The following PMM2 variants were observed in gnomAD, a reference collection of about 807,000 sequenced individuals.
PMM2 encodes mannose-6-phosphate isomerase.
Under a neutral mutation model 33.2 loss-of-function variants are expected in PMM2, and 35 were observed. The ratio of observed to expected loss-of-function variants is 1.06; its 90% CI spans 0.81 to 1.40. The LOEUF is 1.40. PMM2 is among the 40% of genes most tolerant of loss of function. The pLI, the probability that PMM2 is intolerant of heterozygous loss-of-function variation, is 0.00. For synonymous variants in PMM2, 153 were observed against 114.7 expected (o/e 1.33, Z -2.13); for missense variants, 386 against 306.0 (o/e 1.26, Z -1.95).
At chr16:8,840,436 G>T (rs1254590325) in intron 7 of PMM2, among the ~76,000 whole-genome samples, 1 of 151,952 alleles carries the variant, frequency 6.6e-6, no homozygotes, top group South Asian at 2.1e-4. Context: ...AAGTAGTTGA[G>T]AATGGAGAAT....
chr16:8,845,139 G>A (rs1449927211), intron 7 of PMM2, among the ~76,000 whole-genome samples: 2 of 152,240 alleles, frequency 1.3e-5, no homozygotes, highest in African/African-American at 4.8e-5. Context: ...TCGGCAAAGG[G>A]TGGTGGATTA....
At chr16:8,799,946 A>G (rs940103493) in intron 1 of PMM2, among the ~76,000 whole-genome samples, 5 of 152,256 alleles carry the variant, frequency 3.3e-5, no homozygotes, top group East Asian at 1.9e-4. Flanking sequence ...CTTCTGTACA[A>G]TTTTAATCAC....
intron 4 of PMM2, chr16:8,809,494 C>G (rs1781108950): frequency 6.6e-6 from 1 of 152,040 alleles, no homozygotes; most frequent in Non-Finnish European, 1.5e-5. Context: ...AGTCTGTCTC[C>G]CAGACTGGAG....
At chr16:8,840,307 C>CT (rs1472439340) in intron 7 of PMM2, among the ~76,000 whole-genome samples, 2 of 151,988 alleles carry the variant, frequency 1.3e-5, no homozygotes, top group African/African-American at 2.4e-5. Context: ...CAAAGATCAT[C>CT]TATCCACTCT....
intron 7 of PMM2, among the ~76,000 whole-genome samples, chr16:8,837,957 A>G (rs1321850390): frequency 6.6e-6 from 1 of 152,066 alleles, no homozygotes; most frequent in Admixed American, 6.6e-5. Context: ...AAATTAAGGG[A>G]GAGATTGAAG....
chr16:8,814,532 G>A (rs60854635), intron 7 of PMM2, among the ~76,000 whole-genome samples: 1,692 of 152,258 alleles, frequency 0.011, 29 homozygotes, highest in African/African-American at 0.039. Flanking sequence ...GGGTCCCCAC[G>A]TCACAGTCTT....
chr16:8,821,129 G>A (rs533221448), intron 7 of PMM2, among the ~76,000 whole-genome samples: 3 of 152,314 alleles, frequency 2.0e-5, no homozygotes, highest in South Asian at 4.1e-4. Flanking sequence ...TTGAGACCCA[G>A]GTCTTCTTGT....
At chr16:8,813,205 C>T in intron 7 of PMM2, 99 bp downstream of exon 7, 2 of 816,908 alleles carry the variant, frequency 2.4e-6, no homozygotes, top group Non-Finnish European at 2.2e-6. Flanking sequence ...ACTTTACCCA[C>T]CCGCCCTGCT....
chr16:8,827,328 C>G (rs115429030), intron 7 of PMM2, among the ~76,000 whole-genome samples: 1 of 147,230 alleles, frequency 6.8e-6, no homozygotes, highest in Non-Finnish European at 1.5e-5. Context: ...ACTCATTCCT[C>G]GAAGAAAAAA....
intron 7 of PMM2, among the ~76,000 whole-genome samples, chr16:8,831,637 G>A (rs1485781890): frequency 6.6e-6 from 1 of 152,212 alleles, no homozygotes; most frequent in Admixed American, 6.5e-5. Context: ...AGCAGTTCAC[G>A]CAGGCTGTGA....
intron 7 of PMM2, among the ~76,000 whole-genome samples, chr16:8,826,043 C>G (rs553904937): frequency 1.3e-5 from 2 of 152,152 alleles, no homozygotes; most frequent in African/African-American, 4.8e-5. Flanking sequence ...CATGTGCCAC[C>G]GCATCTGGCA....
Position 8,820,066 on chromosome 16 carries a change from C to T in PMM2, c.639+6960C>T, listed in dbSNP as rs958167321. 9.2e-5 allele frequency among the ~76,000 whole-genome samples: 14 copies of T among 152,122 alleles called. 1 individual carries two copies. The South Asian group carries it at 1.7e-3, about 18-fold the overall frequency. ...TACAAAAATTAGCTGGGCGTGGTGG[C>T]GCATGCCTGGATCCCAGCTACTCAG... is the stretch of plus-strand genomic sequence containing the variant. On this transcript the variant is annotated intron_variant, in intron 7 of 7. Coordinates refer to ENST00000268261, the MANE Select transcript of PMM2 (RefSeq NM_000303.3).
At chr16:8,809,043 G>A (rs543572762) in intron 4 of PMM2, 16 of 152,356 alleles carry the variant, frequency 1.1e-4, no homozygotes, top group African/African-American at 3.4e-4. Flanking sequence ...TAACTGGCAT[G>A]TTTGATTTTT....
rs578080635 is a variant in PMM2 at position 8,801,551 on chromosome 16, G to A, written c.67-248G>A. ...CCAGGTGTGCTGGCACATAACTATGGTCCCAGCTACTCAGGAGGCAGAGAT... is the reference window on the plus strand; with the variant it reads ...CCAGGTGTGCTGGCACATAACTATGATCCCAGCTACTCAGGAGGCAGAGAT... On this transcript the variant is annotated intron_variant, in intron 1 of 7. Transcript: ENST00000268261. Among the ~76,000 whole-genome samples, 3 of 152,220 alleles carry A rather than the reference G, an allele frequency of 2.0e-5. No homozygotes were observed. The South Asian group carries it at 6.2e-4, about 32-fold the overall frequency.
At position 8,837,700 on chromosome 16, in the gene PMM2, C is replaced by G. The variant is rs982310227; in HGVS notation, c.640-10024C>G. Among the ~76,000 whole-genome samples, 8 of 151,944 alleles carry G rather than the reference C, an allele frequency of 5.3e-5. 1 individual carries two copies. Among genetic ancestry groups the G allele is most frequent in the Admixed American group, 5.2e-4 (8 of 15,256 alleles). Reference sequence around the variant, plus strand: ...GAAAAGCAGAGAAGGGGTAGAGACACGGAGAGAAGGGGTTGGTGTACTTGC... The same window carrying G: ...GAAAAGCAGAGAAGGGGTAGAGACAGGGAGAGAAGGGGTTGGTGTACTTGC... On this transcript the variant is annotated intron_variant, in intron 7 of 7. Coordinates refer to ENST00000268261, the MANE Select transcript of PMM2 (RefSeq NM_000303.3).
At chr16:8,845,363 T>A (rs1596508159) in intron 7 of PMM2, among the ~76,000 whole-genome samples, 2 of 152,142 alleles carry the variant, frequency 1.3e-5, no homozygotes, top group Admixed American at 1.3e-4. Flanking sequence ...TATTTTTACT[T>A]CTTTTGTGGA....
At chr16:8,827,928 A>AT (rs2060786415) in intron 7 of PMM2, among the ~76,000 whole-genome samples, 2 of 66,560 alleles carry the variant, frequency 3.0e-5, no homozygotes, top group Admixed American at 1.7e-4. Flanking sequence ...TGTTTTATAT[A>AT]TAATATATAT....
Position 8,811,658 on chromosome 16 carries a change from G to C in PMM2, c.468G>C (p.Lys156Asn). ...CTCAGAAAGAAAATATAAGACAAAAGTTTGTAGCAGATCTACGGAAAGAGT... is the reference window on the plus strand; with the variant it reads ...CTCAGAAAGAAAATATAAGACAAAACTTTGTAGCAGATCTACGGAAAGAGT... The part of the protein sequence containing the change: ...ELDKKENIRQ[K>N]FVADLRKEFA... The change falls in exon 6 of 8, where the codon AAG (lysine) becomes AAC (asparagine). Residue 156 changes from lysine to asparagine, a missense_variant. Transcript: ENST00000268261. 6.2e-7 allele frequency: 1 copy of C among 1,612,690 alleles called. No individual in the cohort carries two copies.
At chr16:8,821,006 G>C (rs935877882) in intron 7 of PMM2, among the ~76,000 whole-genome samples, 6 of 32,292 alleles carry the variant, frequency 1.9e-4, no homozygotes, top group Non-Finnish European at 1.3e-4. Flanking sequence ...TTGCGATCCT[G>C]GACTTAACCA....
Sources: allele counts gnomAD v4.1 joint callset (sites outside exome capture counted in the v4.1 genomes callset), GRCh38; gene constraint gnomAD v4.1.1; transcripts MANE v1.5; gene names NCBI Gene and HGNC (gene_info 2026-07-23, HGNC 2026-07-21).